ADCY3: variants seen among roughly 807,000 people sequenced by gnomAD.
ADCY3 encodes adenylate cyclase type 3.
ADCY3 carries 70 observed loss-of-function variants against 119.4 expected under a neutral mutation model. The observed-to-expected ratio is 0.59, with a 90% CI of 0.48 to 0.72. ADCY3 has a LOEUF of 0.72. Ranked by LOEUF, ADCY3 falls within the 30% of genes least tolerant of loss-of-function variation. The pLI is 0.00. For missense variants in ADCY3, 1,238 were observed against 1,541.6 expected, an observed-to-expected ratio of 0.80 and a Z score of 3.30; for synonymous variants, 672 against 621.4, an observed-to-expected ratio of 1.08 and a Z score of -1.21.
chr2:24,881,605 T>G (rs1301939840), intron 2 of ADCY3, among the ~76,000 whole-genome samples: 1 of 152,206 alleles, frequency 6.6e-6, no homozygotes, highest in Non-Finnish European at 1.5e-5. Context: ...TGGGTGTCAC[T>G]TACATTTGTA....
intron 20 of ADCY3, chr2:24,821,060 A>G: frequency 3.3e-6 from 2 of 598,042 alleles, no homozygotes; most frequent in Non-Finnish European, 5.6e-6. Context: ...CCCCCCCCAT[A>G]TGCAGATTTA....
intron 21 of ADCY3, 193 bp from the exon 22 acceptor site, chr2:24,820,307 ACTGG>A: frequency 1.5e-6 from 2 of 1,296,804 alleles, no homozygotes; most frequent in Non-Finnish European, 2.0e-6. Flanking sequence ...CCCTGGAGTG[ACTGG>A]CTGGGGGCCT....
chr2:24,848,971 G>A lies in ADCY3; in HGVS notation c.826-6587C>T, dbSNP rs147305213. 2.2e-3 allele frequency among the ~76,000 whole-genome samples: 337 copies of A among 152,328 alleles called. 1 individual carries two copies. The highest frequency in any genetic ancestry group is 0.01 in the Middle Eastern group (3 of 294). ...TTTGAGTCTCAGCCCCCCCCGCCAC[G>A]TGTGCATTCAGGGTGCTGCTTGGGT... On this transcript the variant is annotated intron_variant, in intron 3 of 21. Coordinates refer to ENST00000679454, the MANE Select transcript of ADCY3 (RefSeq NM_004036.5).
intron 3 of ADCY3, among the ~76,000 whole-genome samples, chr2:24,858,708 G>A (rs779502322): frequency 5.3e-5 from 8 of 152,202 alleles, no homozygotes; most frequent in Non-Finnish European, 8.8e-5. Flanking sequence ...ACAACTGTTT[G>A]GAGAAAAATT....
chr2:24,914,201 C>T (rs562288152), intron 2 of ADCY3, among the ~76,000 whole-genome samples: 66 of 152,322 alleles, frequency 4.3e-4, no homozygotes, highest in Middle Eastern at 3.4e-3. Context: ...TCCTCCCTTC[C>T]GGCTGCTCTG....
rs547979930 is a variant in ADCY3, at chr2:24,899,466, G to T, written c.675+18847C>A. Among the ~76,000 whole-genome samples, 1 of 152,346 alleles carries T rather than the reference G, an allele frequency of 6.6e-6. No homozygotes were observed. The highest frequency in any genetic ancestry group is 1.9e-4 in the East Asian group (1 of 5,190). On this transcript the variant is annotated intron_variant, in intron 2 of 21. Transcript: ENST00000679454. This position sits in a 1 kb window ranked among gnomAD's most constrained non-coding sequence, Gnocchi z 4.5. ...CAGCCTGCCAGGCAAAACTGTCCCT[G>T]GATTTCCTGCCCAGTAGGCCCTTGA... is the stretch of plus-strand genomic sequence containing the variant.
intron 17 of ADCY3, 35 bp downstream of exon 17, chr2:24,824,343 G>A (rs769445908): frequency 3.7e-6 from 6 of 1,607,500 alleles, no homozygotes; most frequent in African/African-American, 1.3e-5. Flanking sequence ...GAGACAAATG[G>A]CCTCATGGTT....
At position 24,822,622 on chromosome 2, in the gene ADCY3, G is replaced by C. The variant is rs1394356865; in HGVS notation, c.2892C>G (p.Asp964Glu). The C allele has an allele frequency of 6.2e-7, 1 of 1,613,882 alleles. No individual in the cohort carries two copies. The highest frequency in any genetic ancestry group is 8.5e-7 in the Non-Finnish European group (1 of 1,179,908). The change falls in exon 19 of 22, where the codon GAC becomes GAG. Residue 964 changes from aspartate (D) to glutamate (E), a missense_variant. Physicochemically the swap from Asp to Glu is conservative, Grantham distance 45. This residue lies in a region of ADCY3 where 37 missense variants were observed against 73.5 expected (regional missense o/e 0.50). Coordinates refer to ENST00000679454, the MANE Select transcript of ADCY3 (RefSeq NM_004036.5). The stretch of plus-strand genomic sequence containing the variant: ...TGGTGATCACCCGGAACTTGGGATT[G>C]TCCAGGAGCTGAGGCCAGGATTCAG... ...EIISDFDSLLDNPKFRVITKI... is the reference protein window; with the variant it reads ...EIISDFDSLLENPKFRVITKI...
At position 24,838,511 on chromosome 2, in the gene ADCY3, G is replaced by A. The variant is rs754953779; in HGVS notation, c.1467C>T (p.Thr489=). 5.6e-6 allele frequency: 9 copies of A among 1,614,018 alleles called. No homozygotes were observed. The Admixed American group carries it at 1.3e-4, about 24-fold the overall frequency. The change falls in exon 8 of 22, where the codon ACC becomes ACT. Residue 489 remains threonine, a synonymous_variant. Coordinates refer to ENST00000679454, the MANE Select transcript of ADCY3 (RefSeq NM_004036.5). The part of the protein sequence containing the change: ...CDYLEEKGIE[T]YLIIASKPEV... ...CTGGCTTGGAGGCAATGATGAGGTA[G>A]GTTTCAATACCCTTCTCTTCTAGGT...
At chr2:24,827,301 T>C (rs1324013256) in intron 15 of ADCY3, among the ~76,000 whole-genome samples, 3 of 152,158 alleles carry the variant, frequency 2.0e-5, no homozygotes, top group Non-Finnish European at 4.4e-5. Flanking sequence ...TCCCTCCTCA[T>C]TTTCCTGCTG....
chr2:24,904,137 C>G (rs1679205191), intron 2 of ADCY3, among the ~76,000 whole-genome samples: 1 of 150,082 alleles, frequency 6.7e-6, no homozygotes, highest in Non-Finnish European at 1.5e-5. Flanking sequence ...AGGAAGGAGA[C>G]AGAGAGAGAG....
intron 3 of ADCY3, among the ~76,000 whole-genome samples, chr2:24,846,313 C>G (rs1006932800): frequency 6.6e-6 from 1 of 152,192 alleles, no homozygotes; most frequent in Non-Finnish European, 1.5e-5. Context: ...GTGAGGGAGG[C>G]TGTACCCTGC....
intron 3 of ADCY3, among the ~76,000 whole-genome samples, chr2:24,854,370 C>T (rs1672760293): frequency 6.6e-6 from 1 of 152,206 alleles, no homozygotes; most frequent in Non-Finnish European, 1.5e-5. Context: ...GCAAAGCTCA[C>T]TGATCTGGGG....
At chr2:24,908,469 G>A (rs943841953) in intron 2 of ADCY3, among the ~76,000 whole-genome samples, 1 of 152,098 alleles carries the variant, frequency 6.6e-6, no homozygotes, top group Non-Finnish European at 1.5e-5. Context: ...AGTTGATTAC[G>A]CAGAAAAGAG....
intron 2 of ADCY3, among the ~76,000 whole-genome samples, chr2:24,886,574 A>G (rs541603106): frequency 1.3e-5 from 2 of 152,276 alleles, no homozygotes; most frequent in Admixed American, 1.3e-4. Context: ...CTTGACACAG[A>G]AACTCTGAAG....
At chr2:24,856,243 G>A (rs1161996296) in intron 3 of ADCY3, among the ~76,000 whole-genome samples, 6 of 152,166 alleles carry the variant, frequency 3.9e-5, no homozygotes, top group East Asian at 3.9e-4. Flanking sequence ...CTGCATGTAC[G>A]TGTCTACTGT....
chr2:24,827,750 T>C, intron 14 of ADCY3, 142 bp from the exon 15 acceptor site: 3 of 1,418,204 alleles, frequency 2.1e-6, no homozygotes, highest in Non-Finnish European at 2.9e-6. Flanking sequence ...CAGTGATACG[T>C]CTGTGAGCAG....
At chr2:24,892,493 C>T (rs1306238826) in intron 2 of ADCY3, among the ~76,000 whole-genome samples, 1 of 152,134 alleles carries the variant, frequency 6.6e-6, no homozygotes, top group Non-Finnish European at 1.5e-5. Context: ...CCTCGTGATC[C>T]ACCCGCCTCG....
At chr2:24,839,002 G>A (rs1670672212) in intron 7 of ADCY3, 4 of 914,970 alleles carry the variant, frequency 4.4e-6, no homozygotes, top group South Asian at 3.0e-5. Context: ...GAGTGCAGTG[G>A]CTTGATCTTG....
Sources: gnomAD v4.1 joint callset for allele counts (sites outside exome capture counted in the v4.1 genomes callset) on GRCh38, gnomAD v4.1.1 for gene constraint, gnomAD v4.1.1 regional missense constraint, Gnocchi (gnomAD v3.1) non-coding constraint, MANE v1.5 for transcripts, NCBI Gene and HGNC (gene_info 2026-07-23, HGNC 2026-07-21) for gene names.